The following CNOT2 variants were observed in gnomAD, a reference collection of about 807,000 sequenced individuals.
CNOT2 encodes CCR4-NOT transcription complex subunit 2.
CNOT2 carries 7 observed loss-of-function variants against 72.1 expected under a neutral mutation model. The ratio of observed to expected loss-of-function variants is 0.10; its 90% confidence interval spans 0.06 to 0.18. The LOEUF (loss-of-function observed/expected upper bound fraction) is 0.18. CNOT2 is among the 10% of genes least tolerant of loss of function. The pLI, the probability that CNOT2 is intolerant of heterozygous loss-of-function variation, is 1.00. For missense variants in CNOT2, 345 were observed against 660.3 expected, an observed-to-expected ratio of 0.52 and a Z score of 5.23; for synonymous variants, 196 against 225.6, an observed-to-expected ratio of 0.87 and a Z score of 1.17.
chr12:70,269,234 A>G (rs1296852154), intron 1 of CNOT2, among the ~76,000 whole-genome samples: 9 of 150,144 alleles, frequency 6.0e-5, no homozygotes, highest in Non-Finnish European at 1.0e-4. Context: ...ACTACAATGT[A>G]TCTCTGAAAC....
intron 1 of CNOT2, among the ~76,000 whole-genome samples, chr12:70,263,676 A>G (rs991350727): frequency 7.2e-5 from 11 of 152,126 alleles, no homozygotes; most frequent in African/African-American, 2.2e-4. Flanking sequence ...TAAGTCTGAC[A>G]TCTTGGCTCT....
intron 1 of CNOT2, among the ~76,000 whole-genome samples, chr12:70,246,211 CT>C (rs1207289264): frequency 2.6e-5 from 4 of 151,870 alleles, no homozygotes; most frequent in African/African-American, 9.7e-5. Context: ...TAAATAATAG[CT>C]TTTTTTTGTT....
At chr12:70,264,156 G>T (rs145212852) in intron 1 of CNOT2, among the ~76,000 whole-genome samples, 4 of 152,128 alleles carry the variant, frequency 2.6e-5, no homozygotes, top group Admixed American at 6.5e-5. Context: ...CCCCTTTGTA[G>T]GGGCATTTTT....
intron 2 of CNOT2, among the ~76,000 whole-genome samples, chr12:70,289,567 C>T (rs879779046): frequency 1.3e-5 from 2 of 152,044 alleles, no homozygotes; most frequent in Admixed American, 6.6e-5. Context: ...ACTCCAATTA[C>T]GCATATACCT....
At chr12:70,262,267 G>GGTTTT (rs576955995) in intron 1 of CNOT2, among the ~76,000 whole-genome samples, 23 of 151,686 alleles carry the variant, frequency 1.5e-4, no homozygotes, top group East Asian at 3.9e-4. Context: ...TCTTTTTCTA[G>GGTTTT]GTTTTGTTTT....
intron 1 of CNOT2, among the ~76,000 whole-genome samples, chr12:70,272,120 A>C (rs1447186254): frequency 6.6e-6 from 1 of 152,210 alleles, no homozygotes; most frequent in South Asian, 2.1e-4. Flanking sequence ...AAGGAAAATG[A>C]TGTTTCCATA....
intron 1 of CNOT2, among the ~76,000 whole-genome samples, chr12:70,270,941 G>T (rs1333601905): frequency 6.6e-6 from 1 of 152,204 alleles, no homozygotes; most frequent in African/African-American, 2.4e-5. Flanking sequence ...TTTACAAATT[G>T]CTAAAGGATT....
intron 1 of CNOT2, among the ~76,000 whole-genome samples, chr12:70,265,288 CTCTT>C (rs1958975541): frequency 9.3e-5 from 13 of 139,902 alleles, no homozygotes; most frequent in African/African-American, 3.4e-4. Context: ...CTCTTCTCTT[CTCTT>C]CTCTTCTCTT....
chr12:70,284,576 C>CTT (rs34386691), intron 2 of CNOT2, among the ~76,000 whole-genome samples: 2,330 of 94,912 alleles, frequency 0.025, 52 homozygotes, highest in African/African-American at 0.056. Flanking sequence ...AAAATTTGAC[C>CTT]TTTTTTTTTT....
intron 4 of CNOT2, chr12:70,327,370 GT>G (rs1432076593): frequency 1.3e-5 from 2 of 151,864 alleles, no homozygotes; most frequent in Non-Finnish European, 2.9e-5. Context: ...TACATTAGAG[GT>G]GTTGAAATTA....
Position 70,256,844 on chromosome 12 carries a change from T to G in CNOT2, c.-96+13364T>G, listed in dbSNP as rs563528819. On this transcript the variant is annotated intron_variant, in intron 1 of 15. Transcript: ENST00000229195. The stretch of plus-strand genomic sequence containing the variant: ...TAATAAAGAGAGGAGAAAAAGCCAC[T>G]CAGAGACATCCATGAAAGTTTGCAT... 5.8e-4 allele frequency among the ~76,000 whole-genome samples: 88 copies of G among 152,222 alleles called. No individual in the cohort carries two copies. In the Middle Eastern group the frequency reaches 0.014, roughly 24 times the overall value.
intron 2 of CNOT2, among the ~76,000 whole-genome samples, chr12:70,281,227 G>A (rs1484076262): frequency 6.6e-6 from 1 of 151,978 alleles, no homozygotes; most frequent in Non-Finnish European, 1.5e-5. Flanking sequence ...TGGGATTACA[G>A]GCGTGCGCCA....
intron 2 of CNOT2, among the ~76,000 whole-genome samples, chr12:70,286,481 A>C (rs769070839): frequency 6.7e-6 from 1 of 150,066 alleles, no homozygotes; most frequent in Non-Finnish European, 1.5e-5. Context: ...AAATTATCAT[A>C]TTAGCATTGT....
intron 2 of CNOT2, among the ~76,000 whole-genome samples, chr12:70,296,375 G>A (rs1442302779): frequency 1.3e-5 from 2 of 152,014 alleles, no homozygotes; most frequent in Non-Finnish European, 2.9e-5. Flanking sequence ...GTGTGTGTGT[G>A]TATCTACATG....
chr12:70,297,044 A>C (rs1872931734), intron 2 of CNOT2, among the ~76,000 whole-genome samples: 1 of 152,182 alleles, frequency 6.6e-6, no homozygotes, highest in Non-Finnish European at 1.5e-5. Context: ...AGGACTCCTC[A>C]TCATTGGTTT....
At chr12:70,248,608 AG>A (rs1328373145) in intron 1 of CNOT2, among the ~76,000 whole-genome samples, 1 of 152,134 alleles carries the variant, frequency 6.6e-6, no homozygotes, top group African/African-American at 2.4e-5. Context: ...GGTTTGTTTA[AG>A]AGATTGTGAG....
chr12:70,283,930 ATTTTTT>A, intron 2 of CNOT2, among the ~76,000 whole-genome samples: 1 of 117,432 alleles, frequency 8.5e-6, no homozygotes, highest in South Asian at 2.9e-4. Context: ...CATGATGTAA[ATTTTTT>A]TTTTTTTTTT....
At chr12:70,293,537 G>C (rs1306597983) in intron 2 of CNOT2, among the ~76,000 whole-genome samples, 1 of 151,946 alleles carries the variant, frequency 6.6e-6, no homozygotes, top group Non-Finnish European at 1.5e-5. Flanking sequence ...TTATTATCTT[G>C]TTTGGTTAAA....
At chr12:70,251,180 G>T in intron 1 of CNOT2, among the ~76,000 whole-genome samples, 2 of 152,090 alleles carry the variant, frequency 1.3e-5, no homozygotes, top group Middle Eastern at 3.2e-3. Flanking sequence ...GTTACTTTGT[G>T]CTGTGCACTA....
Sources: gnomAD v4.1 joint callset for allele counts (sites outside exome capture counted in the v4.1 genomes callset) on GRCh38, gnomAD v4.1.1 for gene constraint, MANE v1.5 for transcripts, NCBI Gene and HGNC (gene_info 2026-07-23, HGNC 2026-07-21) for gene names.